NRXN1: variants seen among roughly 807,000 people sequenced by gnomAD.
The protein encoded by NRXN1 is neurexin-1.
A neutral mutation model predicts 150.9 loss-of-function variants in NRXN1; 39 were observed. The ratio of observed to expected loss-of-function variants is 0.26; its 90% CI spans 0.20 to 0.34. The LOEUF (loss-of-function observed/expected upper bound fraction) is 0.34, where lower values mean the gene tolerates loss of function less well. Ranked by LOEUF, NRXN1 falls within the 10% of genes least tolerant of loss-of-function variation. The pLI is 1.00. For missense variants in NRXN1, 1,815 were observed against 1,949.9 expected, an observed-to-expected ratio of 0.93 and a Z score of 1.30; for synonymous variants, 924 against 757.0, an observed-to-expected ratio of 1.22 and a Z score of -3.62.
At chr2:50,894,623 A>G (rs1245596934) in intron 5 of NRXN1, among the ~76,000 whole-genome samples, 1 of 152,142 alleles carries the variant, frequency 6.6e-6, no homozygotes, top group African/African-American at 2.4e-5. Context: ...AAAACATTTA[A>G]CACCTCAGTC....
intron 5 of NRXN1, among the ~76,000 whole-genome samples, chr2:50,907,035 G>A (rs1196311205): frequency 1.3e-5 from 2 of 151,732 alleles, no homozygotes; most frequent in African/African-American, 4.8e-5. Flanking sequence ...TTTCTCCAAG[G>A]TCTGTCTAGA....
chr2:50,828,576 C>A (rs973380730), intron 5 of NRXN1, among the ~76,000 whole-genome samples: 15 of 151,830 alleles, frequency 9.9e-5, no homozygotes, highest in Non-Finnish European at 1.6e-4. Flanking sequence ...AGAGGCGCTC[C>A]TTACATCCCA....
chr2:50,077,081 G>A (rs1033019014), intron 19 of NRXN1, among the ~76,000 whole-genome samples: 1 of 152,142 alleles, frequency 6.6e-6, no homozygotes, highest in African/African-American at 2.4e-5. Context: ...TTATCACAAG[G>A]AGATACTGTA....
rs377378614 is a variant in NRXN1 at position 50,870,605 on chromosome 2, C to T, written c.832+51264G>A. Reference sequence around the variant, plus strand: ...GACTCTGTCTCCAGAAATTACTTTCCTATCACCACACTTTTGAGCTTGTAA... The same window carrying T: ...GACTCTGTCTCCAGAAATTACTTTCTTATCACCACACTTTTGAGCTTGTAA... On this transcript the variant is annotated intron_variant, in intron 5 of 22. Coordinates refer to ENST00000401669, the MANE Select transcript of NRXN1 (RefSeq NM_001330078.2). 3.9e-5 allele frequency among the ~76,000 whole-genome samples: 6 copies of T among 152,118 alleles called. No individual in the cohort carries two copies. The South Asian group carries it at 8.3e-4, about 21-fold the overall frequency.
intron 18 of NRXN1, among the ~76,000 whole-genome samples, chr2:50,234,938 G>A (rs1485973446): frequency 6.6e-6 from 1 of 151,914 alleles, no homozygotes; most frequent in African/African-American, 2.4e-5. Context: ...AGGACCCTAA[G>A]ACCACATTTG....
chr2:50,558,116 C>G (rs1325841871), intron 8 of NRXN1, among the ~76,000 whole-genome samples: 1 of 152,168 alleles, frequency 6.6e-6, no homozygotes. Context: ...CTGGCAGGCC[C>G]TCTTATAAGA....
At chr2:50,148,813 T>C (rs889438447) in intron 18 of NRXN1, among the ~76,000 whole-genome samples, 6 of 151,672 alleles carry the variant, frequency 4.0e-5, no homozygotes. Flanking sequence ...TGCCTTGCAA[T>C]TGTTGTCTGA....
At chr2:50,979,244 G>A (rs1201718993) in intron 2 of NRXN1, 1 of 517,582 alleles carries the variant, frequency 1.9e-6, no homozygotes, top group Non-Finnish European at 3.9e-6. Context: ...AGATTCTCCA[G>A]CTAAGATAAA....
chr2:50,390,063 T>C (rs954661097), intron 17 of NRXN1, among the ~76,000 whole-genome samples: 32 of 152,224 alleles, frequency 2.1e-4, no homozygotes, highest in African/African-American at 7.7e-4. Flanking sequence ...TAAATAGTAG[T>C]ATTAGACTGT....
chr2:50,874,310 T>C (rs990904142), intron 5 of NRXN1, among the ~76,000 whole-genome samples: 2 of 151,876 alleles, frequency 1.3e-5, no homozygotes, highest in African/African-American at 4.8e-5. Context: ...AACACATACA[T>C]ATATCATACT....
intron 17 of NRXN1, among the ~76,000 whole-genome samples, chr2:50,454,982 G>C (rs1168487538): frequency 1.3e-5 from 2 of 152,088 alleles, no homozygotes; most frequent in Admixed American, 1.3e-4. Flanking sequence ...CGGAAGGAGG[G>C]AAGGAAGAGG....
intron 18 of NRXN1, among the ~76,000 whole-genome samples, chr2:50,101,648 G>T (rs954252797): frequency 6.6e-6 from 1 of 151,970 alleles, no homozygotes; most frequent in Non-Finnish European, 1.5e-5. Flanking sequence ...ATCCTTAAAA[G>T]ACGTGAAAAC....
At chr2:50,430,029 C>G (rs1436657985) in intron 17 of NRXN1, among the ~76,000 whole-genome samples, 1 of 152,094 alleles carries the variant, frequency 6.6e-6, no homozygotes, top group Admixed American at 6.6e-5. Context: ...ACACATTTAA[C>G]CTACCTGACT....
chr2:50,254,947 C>T (rs1420291946), intron 17 of NRXN1, among the ~76,000 whole-genome samples: 1 of 152,090 alleles, frequency 6.6e-6, no homozygotes, highest in Non-Finnish European at 1.5e-5. Flanking sequence ...GCTGGGTCTA[C>T]AGGCGCACAC....
intron 5 of NRXN1, among the ~76,000 whole-genome samples, chr2:50,723,085 T>C (rs769118427): frequency 6.6e-6 from 1 of 152,116 alleles, no homozygotes; most frequent in Non-Finnish European, 1.5e-5. Flanking sequence ...CCATACAATA[T>C]ACCTTTCCTA....
chr2:50,165,409 C>A lies in NRXN1; in HGVS notation c.3546+71380G>T, dbSNP rs574320118. Among the ~76,000 whole-genome samples, 10 of 152,232 alleles carry A rather than the reference C, an allele frequency of 6.6e-5. No homozygotes were observed. The Middle Eastern group carries it at 0.017, about 259-fold the overall frequency. On this transcript the variant is annotated intron_variant, in intron 18 of 22. Coordinates refer to ENST00000401669, the MANE Select transcript of NRXN1 (RefSeq NM_001330078.2). Reference sequence around the variant, plus strand: ...TGTCACCCAGGCTGGAGTGCAGTGGCGCAATCTCAGCTCACCGCAACCTCC... The same window carrying A: ...TGTCACCCAGGCTGGAGTGCAGTGGAGCAATCTCAGCTCACCGCAACCTCC...
chr2:50,599,969 A>G (rs1382854340), intron 8 of NRXN1, among the ~76,000 whole-genome samples: 1 of 152,152 alleles, frequency 6.6e-6, no homozygotes, highest in Non-Finnish European at 1.5e-5. Flanking sequence ...AAATGGTGGA[A>G]AGCAAATTGA....
chr2:50,557,644 G>C (rs553053178), intron 8 of NRXN1, among the ~76,000 whole-genome samples: 1 of 152,106 alleles, frequency 6.6e-6, no homozygotes, highest in African/African-American at 2.4e-5. Context: ...ATAATAAATT[G>C]TATTTTAGTT....
At chr2:50,342,358 G>T (rs914265329) in intron 17 of NRXN1, among the ~76,000 whole-genome samples, 1 of 152,204 alleles carries the variant, frequency 6.6e-6, no homozygotes, top group Non-Finnish European at 1.5e-5. Flanking sequence ...TAAGGAAAAG[G>T]TGTGGAACAC....
Sources: allele counts gnomAD v4.1 joint callset (sites outside exome capture counted in the v4.1 genomes callset), GRCh38; gene constraint gnomAD v4.1.1; transcripts MANE v1.5; gene names NCBI Gene and HGNC (gene_info 2026-07-23, HGNC 2026-07-21).